The following PCDHGA10 variants were observed in gnomAD, a reference collection of about 807,000 sequenced individuals.
PCDHGA10 encodes protocadherin gamma-A10.
Under a neutral mutation model 59.5 loss-of-function variants are expected in PCDHGA10, and 42 were observed. The observed-to-expected ratio is 0.71, with a 90% CI of 0.55 to 0.91. The LOEUF (loss-of-function observed/expected upper bound fraction) is 0.91, where lower values mean the gene tolerates loss of function less well. PCDHGA10 is among the 40% of genes least tolerant of loss of function. The probability of loss-of-function intolerance (pLI) is 0.00; values close to 1 mark genes in which losing one functional copy is unlikely to be tolerated. For synonymous variants in PCDHGA10, 511 were observed against 517.2 expected (o/e 0.99, Z 0.16); for missense variants, 1,111 against 1,198.2 (o/e 0.93, Z 1.07).
At position 141,476,746 on chromosome 5, in the gene PCDHGA10, C is replaced by A; in HGVS notation, c.2437-18061C>A. 1 of 1,614,068 alleles carries A rather than the reference C, an allele frequency of 6.2e-7. No homozygotes were observed. On this transcript the variant is annotated intron_variant, in intron 1 of 3. Transcript: ENST00000398610. The surrounding 1 kb of genome is among the most constrained non-coding windows in gnomAD (Gnocchi z 7.6). ...TGGACCGAGAACGGGAGCCTAGTCT[C>A]CAGTTAGTGCTGACGGCGTTGGACG...
intron 1 of PCDHGA10, chr5:141,423,923 G>C: frequency 8.0e-7 from 1 of 1,254,744 alleles, no homozygotes; most frequent in Non-Finnish European, 1.0e-6. Flanking sequence ...CAACTATGCT[G>C]GTTTGGTTTG....
At chr5:141,478,042 G>A (rs1358652557) in intron 1 of PCDHGA10, 18 of 1,614,152 alleles carry the variant, frequency 1.1e-5, no homozygotes, top group Non-Finnish European at 1.5e-5. Flanking sequence ...CACCCAGGCA[G>A]ACTCTCACGG....
chr5:141,423,374 G>T (rs1356564295), intron 1 of PCDHGA10: 2 of 1,614,188 alleles, frequency 1.2e-6, no homozygotes, highest in Admixed American at 1.7e-5. Context: ...CTGGCACTCA[G>T]GCTGTGGCGC....
intron 1 of PCDHGA10, chr5:141,440,534 C>A (rs562736984): frequency 1.3e-5 from 2 of 152,188 alleles, no homozygotes; most frequent in East Asian, 3.9e-4. Flanking sequence ...TCATGCACCA[C>A]GGTTCAGCAG....
rs1594666821 is a variant in PCDHGA10, at chr5:141,487,316, T to C, written c.2437-7491T>C. 6.2e-7 allele frequency: 1 copy of C among 1,614,164 alleles called. No individual in the cohort carries two copies. Among genetic ancestry groups the C allele is most frequent in the South Asian group, 1.1e-5 (1 of 91,080 alleles). On this transcript the variant is annotated intron_variant, in intron 1 of 3. Coordinates refer to ENST00000398610, the MANE Select transcript of PCDHGA10 (RefSeq NM_018913.3). This position sits in a 1 kb window ranked among gnomAD's most constrained non-coding sequence, Gnocchi z 5.0. ...CTCATTCGTGGCACTACTCTCTAAG[T>C]GTCTTCGTGGGGCAGCCTGTGGAGT... is the stretch of plus-strand genomic sequence containing the variant.
rs1000775080 is a variant in PCDHGA10 at position 141,487,567 on chromosome 5, G to C, written c.2437-7240G>C. 2 of 1,614,168 alleles carry C rather than the reference G, an allele frequency of 1.2e-6. No individual in the cohort carries two copies. The highest frequency in any genetic ancestry group is 1.7e-6 in the Non-Finnish European group (2 of 1,180,036). ...CACCCAGTGCACCTATGGCAGGGGA[G>C]CCTGTTCGCCCAAGCTGCCCACCCT... On this transcript the variant is annotated intron_variant, in intron 1 of 3. Coordinates refer to ENST00000398610, the MANE Select transcript of PCDHGA10 (RefSeq NM_018913.3). The surrounding 1 kb of genome is among the most constrained non-coding windows in gnomAD (Gnocchi z 5.0).
In PCDHGA10 at chr5:141,422,647, T is replaced by G. The variant is rs773990745; in HGVS notation, c.2436+7036T>G. 2.5e-6 allele frequency: 4 copies of G among 1,611,858 alleles called. No individual in the cohort carries two copies. In the South Asian group the frequency reaches 4.4e-5, roughly 18 times the overall value. On this transcript the variant is annotated intron_variant, in intron 1 of 3. Transcript: ENST00000398610. ...CAACCCCAGGGGTGCCTCCATCTTC[T>G]CAGTGACCGCCCTCGACCCGGACAG...
chr5:141,426,978 G>A (rs1383521288), intron 1 of PCDHGA10: 1 of 456,770 alleles, frequency 2.2e-6, no homozygotes, highest in Non-Finnish European at 4.4e-6. Flanking sequence ...TGAGGTCACT[G>A]ATGCCAACGA....
At chr5:141,423,169 C>G (rs747206648) in intron 1 of PCDHGA10, 2 of 1,613,460 alleles carry the variant, frequency 1.2e-6, no homozygotes, top group Admixed American at 3.3e-5. Context: ...GGTGGCCGTC[C>G]AGGACCACGG....
intron 1 of PCDHGA10, among the ~76,000 whole-genome samples, chr5:141,442,703 C>A (rs1405830887): frequency 6.6e-6 from 1 of 152,218 alleles, no homozygotes; most frequent in Admixed American, 6.5e-5. Flanking sequence ...ACAAGAGTAT[C>A]AGACATGCCA....
intron 1 of PCDHGA10, chr5:141,428,889 C>G (rs1486441305): frequency 1.3e-5 from 2 of 150,826 alleles, no homozygotes; most frequent in African/African-American, 4.9e-5. Flanking sequence ...GAGTCTCGCT[C>G]TGTGGTCCAG....
chr5:141,415,755 T>G (rs753465209), intron 1 of PCDHGA10, 144 bp downstream of exon 1: 41 of 1,387,576 alleles, frequency 3.0e-5, no homozygotes, highest in Middle Eastern at 2.6e-4. Flanking sequence ...TTTTTTTTTT[T>G]TTTTTTTTTT....
chr5:141,446,191 T>C (rs2098492956), intron 1 of PCDHGA10, among the ~76,000 whole-genome samples: 1 of 152,206 alleles, frequency 6.6e-6, no homozygotes, highest in Non-Finnish European at 1.5e-5. Flanking sequence ...TGTTTATTAT[T>C]ATATTCCTAG....
At chr5:141,465,293 G>A (rs1407146382) in intron 1 of PCDHGA10, among the ~76,000 whole-genome samples, 2 of 152,258 alleles carry the variant, frequency 1.3e-5, no homozygotes, top group South Asian at 2.1e-4. Flanking sequence ...AAAGAACTGA[G>A]AGTCCTGGGA....
chr5:141,413,257 T>C lies in PCDHGA10; in HGVS notation c.82T>C (p.Trp28Arg), dbSNP rs777964429. 3 of 1,613,954 alleles carry C rather than the reference T, an allele frequency of 1.9e-6. No individual in the cohort carries two copies. The highest frequency in any genetic ancestry group is 1.3e-5 in the African/African-American group (1 of 75,072). ...VLLCLFFGIP[W>R]EAGARQISYS... ...GCTCTGCCTTTTCTTCGGGATTCCA[T>C]GGGAGGCTGGAGCCCGGCAGATCTC... The change falls in exon 1 of 4, where the codon TGG (tryptophan) becomes CGG (arginine). Residue 28 changes from tryptophan (W) to arginine (R), a missense_variant. Physicochemically the swap from Trp to Arg is moderately radical, Grantham distance 101. Transcript: ENST00000398610.
Position 141,477,966 on chromosome 5 carries a change from G to A in PCDHGA10, c.2437-16841G>A, listed in dbSNP as rs2099426792. 6.2e-7 allele frequency: 1 copy of A among 1,614,118 alleles called. No individual in the cohort carries two copies. The highest frequency in any genetic ancestry group is 8.5e-7 in the Non-Finnish European group (1 of 1,180,036). ...AGTCTCTTGGGATCCCCTAACCAGAGCCTTTTTGCCATAGGGCTGCACACT... is the reference window on the plus strand; with the variant it reads ...AGTCTCTTGGGATCCCCTAACCAGAACCTTTTTGCCATAGGGCTGCACACT... On this transcript the variant is annotated intron_variant, in intron 1 of 3. Transcript: ENST00000398610. This position sits in a 1 kb window ranked among gnomAD's most constrained non-coding sequence, Gnocchi z 4.9.
At chr5:141,492,974 C>G (rs1479838959) in intron 1 of PCDHGA10, among the ~76,000 whole-genome samples, 1 of 152,244 alleles carries the variant, frequency 6.6e-6, no homozygotes, top group Non-Finnish European at 1.5e-5. Flanking sequence ...CTAACAAGTC[C>G]TGTCTCCTCT....
chr5:141,497,032 T>C (rs1206131945), intron 2 of PCDHGA10, among the ~76,000 whole-genome samples: 1 of 151,652 alleles, frequency 6.6e-6, no homozygotes, highest in East Asian at 1.9e-4. Flanking sequence ...CGATTAAAAA[T>C]ACAAAAATTA....
chr5:141,424,383 T>C (rs2096817494), intron 1 of PCDHGA10: 2 of 152,238 alleles, frequency 1.3e-5, no homozygotes, highest in Non-Finnish European at 2.9e-5. Context: ...AAGCTCTAGA[T>C]GTCTTTTCCA....
Sources: allele counts gnomAD v4.1 joint callset (sites outside exome capture counted in the v4.1 genomes callset), GRCh38; gene constraint gnomAD v4.1.1; non-coding constraint Gnocchi (gnomAD v3.1); transcripts MANE v1.5; gene names NCBI Gene and HGNC (gene_info 2026-07-23, HGNC 2026-07-21).